Variants in LIMK1 observed in about 807,000 individuals in gnomAD.
The protein encoded by LIMK1 is LIM motif-containing protein kinase.
In LIMK1, 21 loss-of-function variants were observed where a neutral mutation model predicts 77.6. The ratio of observed to expected loss-of-function variants is 0.27; its 90% CI spans 0.19 to 0.39. The LOEUF (loss-of-function observed/expected upper bound fraction) is 0.39. Among genes scored for constraint, LIMK1 ranks in the 10% least tolerant of loss-of-function variants. The probability of loss-of-function intolerance (pLI) is 1.00; values close to 1 mark genes in which losing one functional copy is unlikely to be tolerated. For missense variants in LIMK1, 696 were observed against 901.6 expected (o/e 0.77, Z 2.92); for synonymous variants, 358 against 370.0 (o/e 0.97, Z 0.37).
chr7:74,111,986 C>T lies in LIMK1; in HGVS notation c.1398C>T (p.Cys466=), dbSNP rs1554698723. 6.2e-7 allele frequency: 1 copy of T among 1,610,750 alleles called. No homozygotes were observed. The highest frequency in any genetic ancestry group is 8.5e-7 in the Non-Finnish European group (1 of 1,178,474). ...ACCGAGACCTCAACTCCCACAACTG[C>T]CTGGTCCGCGAGGTGAGTACCAGGG... The part of the protein sequence containing the change: ...IIHRDLNSHN[C]LVRENKNVVV... Residue 466 remains cysteine (C), a synonymous_variant, in exon 12 of 16, where the codon TGC becomes TGT. Coordinates refer to ENST00000336180, the MANE Select transcript of LIMK1 (RefSeq NM_002314.4).
At chr7:74,096,532 T>G in intron 2 of LIMK1, 90 bp from the exon 3 acceptor site, 1 of 1,538,866 alleles carries the variant, frequency 6.5e-7, no homozygotes, top group Non-Finnish European at 8.9e-7. Context: ...TTGTTCTAAT[T>G]CTTACAAAGG....
intron 2 of LIMK1, among the ~76,000 whole-genome samples, chr7:74,088,963 C>T (rs1554694418): frequency 6.6e-6 from 1 of 152,078 alleles, no homozygotes; most frequent in African/African-American, 2.4e-5. Context: ...TAGGACCTGA[C>T]CTGGGACAGT....
chr7:74,101,776 T>G (rs1479018774), intron 5 of LIMK1, among the ~76,000 whole-genome samples: 1 of 151,166 alleles, frequency 6.6e-6, no homozygotes, highest in Non-Finnish European at 1.5e-5. Context: ...GGATGTGAGA[T>G]TCTAAGGAAT....
Position 74,121,032 on chromosome 7 carries a change from T to C in LIMK1, c.1764T>C (p.Asp588=), listed in dbSNP as rs1264839604. The C allele has an allele frequency of 1.1e-5, 17 of 1,488,196 alleles. No homozygotes were observed. Among genetic ancestry groups the C allele is most frequent in the Non-Finnish European group, 1.5e-5 (17 of 1,104,780 alleles). 92.2% of individuals were successfully genotyped at this position (1,488,196 alleles called of 1,614,324 possible). A position where few individuals can be genotyped will look rare whatever the true frequency, so the allele number is the denominator to read the frequency against. ...TCCCCATCACCGTGCGCTGTTGCGA[T>C]CTGGACCCCGAGAAGAGGTGAGTGG... The part of the protein sequence containing the change: ...SFFPITVRCC[D]LDPEKRPSFV... The change falls in exon 15 of 16, where the codon GAT becomes GAC. Residue 588 remains aspartate (D), a synonymous_variant. Coordinates refer to ENST00000336180, the MANE Select transcript of LIMK1 (RefSeq NM_002314.4).
chr7:74,121,322 CCT>C lies in LIMK1; in HGVS notation c.*22_*23del, dbSNP rs782603301. The C allele has an allele frequency of 1.0e-5, 16 of 1,550,648 alleles. No homozygotes were observed. The Admixed American group carries it at 2.1e-4, about 20-fold the overall frequency. On this transcript the variant is annotated 3_prime_UTR_variant, in exon 16 of 16. Transcript: ENST00000336180. ...ACTGAGCCAGGGCCACTCAGCTGCC[CCT>C]GTCCCCACCTCTGGAGAATCCACCC...
chr7:74,090,342 T>C (rs1799213552), intron 2 of LIMK1, among the ~76,000 whole-genome samples: 1 of 150,892 alleles, frequency 6.6e-6, no homozygotes, highest in South Asian at 2.1e-4. Flanking sequence ...GCCACTGCAC[T>C]CTAGCCTGGG....
chr7:74,097,356 A>G (rs1331431580), intron 4 of LIMK1, among the ~76,000 whole-genome samples, 167 bp downstream of exon 4: 1 of 152,232 alleles, frequency 6.6e-6, no homozygotes, highest in Non-Finnish European at 1.5e-5. Flanking sequence ...AACAAGTGAG[A>G]AATAACACAC....
At chr7:74,099,326 T>G in intron 5 of LIMK1, 88 bp downstream of exon 5, 1 of 1,316,466 alleles carries the variant, frequency 7.6e-7, no homozygotes, top group Non-Finnish European at 1.1e-6. Flanking sequence ...GCCCTGAAAA[T>G]GAATGGGCGA....
chr7:74,096,800 G>T (rs200952414), intron 3 of LIMK1, 40 bp downstream of exon 3: 6 of 1,548,734 alleles, frequency 3.9e-6, no homozygotes, highest in African/African-American at 1.4e-5. Flanking sequence ...TGGGGTGGGG[G>T]TATCCAAGCA....
chr7:74,106,592 T>G (rs1799579372), intron 7 of LIMK1, among the ~76,000 whole-genome samples: 1 of 152,090 alleles, frequency 6.6e-6, no homozygotes, highest in South Asian at 2.1e-4. Context: ...AAACCTCATC[T>G]TTACTGAAAA....
At chr7:74,115,663 C>A in intron 12 of LIMK1, 139 bp from the exon 13 acceptor site, 1 of 919,350 alleles carries the variant, frequency 1.1e-6, no homozygotes, top group Non-Finnish European at 1.6e-6. Flanking sequence ...AGGAAGGGGT[C>A]CCCACCCTGT....
At chr7:74,115,608 G>A (rs1799790407) in intron 12 of LIMK1, 194 bp from the exon 13 acceptor site, 1 of 578,550 alleles carries the variant, frequency 1.7e-6, no homozygotes, top group Non-Finnish European at 3.1e-6. Context: ...CTATCTTCAG[G>A]TGCTTCCCGC....
intron 12 of LIMK1, among the ~76,000 whole-genome samples, chr7:74,113,936 A>G (rs782410647): frequency 4.0e-5 from 6 of 151,666 alleles, no homozygotes; most frequent in Middle Eastern, 3.2e-3. Context: ...AGCCTGGGCA[A>G]CAGAGCGAGC....
intron 13 of LIMK1, among the ~76,000 whole-genome samples, chr7:74,119,838 G>A (rs1799895715): frequency 6.6e-6 from 1 of 152,034 alleles, no homozygotes; most frequent in South Asian, 2.1e-4. Flanking sequence ...AACCCAGGAG[G>A]CAGAGGTTGC....
chr7:74,087,135 G>T (rs4717869), intron 2 of LIMK1, among the ~76,000 whole-genome samples: 18,418 of 152,138 alleles, frequency 0.12, 1,579 homozygotes, highest in East Asian at 0.33. Flanking sequence ...GGGCGTGGTG[G>T]CTCACACCTA....
chr7:74,094,872 C>A (rs1407272600), intron 2 of LIMK1, among the ~76,000 whole-genome samples: 1 of 152,088 alleles, frequency 6.6e-6, no homozygotes, highest in Non-Finnish European at 1.5e-5. Context: ...TCCCCACCCC[C>A]ATGGAGGAAT....
In LIMK1 at chr7:74,099,210, G is replaced by A. The variant is rs782587891; in HGVS notation, c.580G>A (p.Glu194Lys). ...GCACGGCCCACCGGGCTGTGGCACCGAGCACTCACACACCGTCCGCGTCCA... is the reference window on the plus strand; with the variant it reads ...GCACGGCCCACCGGGCTGTGGCACCAAGCACTCACACACCGTCCGCGTCCA... ...PPHGPPGCGTEHSHTVRVQGV... is the reference protein window; with the variant it reads ...PPHGPPGCGTKHSHTVRVQGV... Residue 194 changes from glutamate (E) to lysine (K), a missense_variant, in exon 5 of 16, where the codon GAG becomes AAG. Transcript: ENST00000336180. The A allele has an allele frequency of 1.2e-6, 2 of 1,608,342 alleles. No homozygotes were observed. Among genetic ancestry groups the A allele is most frequent in the South Asian group, 1.1e-5 (1 of 91,080 alleles).
At chr7:74,088,667 T>C (rs1315204738) in intron 2 of LIMK1, among the ~76,000 whole-genome samples, 1 of 151,840 alleles carries the variant, frequency 6.6e-6, no homozygotes, top group Admixed American at 6.6e-5. Flanking sequence ...CCAGGCATGG[T>C]GGCACATGAC....
intron 13 of LIMK1, among the ~76,000 whole-genome samples, chr7:74,116,525 G>A (rs1288246665): frequency 6.6e-6 from 1 of 152,124 alleles, no homozygotes; most frequent in African/African-American, 2.4e-5. Context: ...CCGGTAGGGT[G>A]AGCTCCTTCT....
Sources: allele counts gnomAD v4.1 joint callset (sites outside exome capture counted in the v4.1 genomes callset), GRCh38; gene constraint gnomAD v4.1.1; transcripts MANE v1.5; gene names NCBI Gene and HGNC (gene_info 2026-07-23, HGNC 2026-07-21).